The following ANOS1 variants were observed in gnomAD, a reference collection of about 807,000 sequenced individuals.
ANOS1 encodes the protein anosmin-1.
A neutral mutation model predicts 59.0 loss-of-function variants in ANOS1; 6 were observed. The observed-to-expected ratio is 0.10, with a 90% CI of 0.06 to 0.20. The LOEUF is 0.20. Ranked by LOEUF, ANOS1 falls within the 10% of genes least tolerant of loss-of-function variation. The pLI, the probability that ANOS1 is intolerant of heterozygous loss-of-function variation, is 1.00. For synonymous variants in ANOS1, 217 were observed against 223.4 expected (o/e 0.97, Z 0.25); for missense variants, 433 against 542.3 (o/e 0.80, Z 2.00).
intron 10 of ANOS1, among the ~76,000 whole-genome samples, chrX:8,538,420 AT>A (rs1291061003): frequency 3.6e-5 from 4 of 111,908 alleles, no homozygotes; most frequent in Non-Finnish European, 7.5e-5. Context: ...TAGAAGGATA[AT>A]TTTTCAGGAG....
chrX:8,641,558 C>T (rs1002218695), intron 2 of ANOS1, among the ~76,000 whole-genome samples: 2 of 112,212 alleles, frequency 1.8e-5, no homozygotes, highest in Non-Finnish European at 3.8e-5. Flanking sequence ...TCAAGACCTG[C>T]ACATCAGGAG....
intron 2 of ANOS1, among the ~76,000 whole-genome samples, chrX:8,633,658 T>C (rs1048964393): frequency 9.0e-6 from 1 of 111,615 alleles, no homozygotes; most frequent in African/African-American, 3.3e-5. Flanking sequence ...ATCAAAGATA[T>C]TGCCTCCAAG....
rs1569047138 is a variant in ANOS1 at position 8,554,553 on chromosome X, T to TG, written c.1208-456_1208-455insC. ...AGCTGGCTACAGGAGTTTTTTTTTT[T>TG]TTTTTTTTTTTTTTTTTGTTGTTGT... On this transcript the variant is annotated intron_variant, in intron 8 of 13. Transcript: ENST00000262648. Among the ~76,000 whole-genome samples, 638 of 95,616 alleles carry TG rather than the reference T, an allele frequency of 6.7e-3. 9 individuals are homozygous for TG. Among genetic ancestry groups the TG allele is most frequent in the African/African-American group, 0.025 (618 of 24,308 alleles). 83.0% of individuals were successfully genotyped at this position (95,616 alleles called of 115,157 possible). A position where few individuals can be genotyped will look rare whatever the true frequency, so the allele number is the denominator to read the frequency against.
chrX:8,694,656 G>A (rs945169343), intron 2 of ANOS1, among the ~76,000 whole-genome samples: 5 of 111,983 alleles, frequency 4.5e-5, no homozygotes, highest in Admixed American at 2.8e-4. Context: ...CAACAAGAGC[G>A]AAATTCCATC....
chrX:8,570,368 A>G lies in ANOS1; in HGVS notation c.1062+131T>C, dbSNP rs1930206548. ...GCATTCTGTGAACTTCCTCGGTAGA[A>G]ATGAATGGGAGGGAAGCTTTCCTGC... On this transcript the variant is annotated intron_variant, in intron 7 of 13. Transcript: ENST00000262648. The G allele has an allele frequency of 5.1e-6, 3 of 590,388 alleles. No homozygotes were observed. In the Admixed American group the frequency reaches 8.1e-5, roughly 16 times the overall value. The allele number at this position is 590,388 out of a possible 1,213,427, so 48.7% of individuals were successfully genotyped here.
chrX:8,563,626 C>A (rs186256620), intron 8 of ANOS1, among the ~76,000 whole-genome samples: 1 of 112,371 alleles, frequency 8.9e-6, no homozygotes, highest in Admixed American at 9.5e-5. Context: ...GTATTTATGA[C>A]CGTAGCAGAT....
intron 2 of ANOS1, among the ~76,000 whole-genome samples, chrX:8,636,574 T>C (rs1203930337): frequency 1.8e-5 from 2 of 112,065 alleles, no homozygotes; most frequent in Non-Finnish European, 3.8e-5. Flanking sequence ...GTCTGTGCAG[T>C]GAGACCAATC....
chrX:8,672,165 TACAC>T (rs111374928), intron 2 of ANOS1, among the ~76,000 whole-genome samples: 33 of 102,416 alleles, frequency 3.2e-4, no homozygotes, highest in South Asian at 2.5e-3. Context: ...CACATGCACA[TACAC>T]ACACACACAC....
rs1158555680 is a variant in ANOS1 at position 8,529,859 on chromosome X, A to C, written c.*3136T>G. Reference sequence around the variant, plus strand: ...GGCATCTGGTGAGGAGAAAGTGTGGATGCTACTAAAAACCTACAGTGCACA... The same window carrying C: ...GGCATCTGGTGAGGAGAAAGTGTGGCTGCTACTAAAAACCTACAGTGCACA... On this transcript the variant is annotated 3_prime_UTR_variant, in exon 14 of 14. Transcript: ENST00000262648. 9.0e-6 allele frequency: 1 copy of C among 111,293 alleles called. No homozygotes were observed. The highest frequency in any genetic ancestry group is 1.9e-5 in the Non-Finnish European group (1 of 53,070). 9.2% of individuals were successfully genotyped at this position (111,293 alleles called of 1,213,427 possible). A position where few individuals can be genotyped will look rare whatever the true frequency, so the allele number is the denominator to read the frequency against.
intron 2 of ANOS1, among the ~76,000 whole-genome samples, chrX:8,659,533 TTC>T (rs1569075584): frequency 1.0e-5 from 1 of 95,292 alleles, no homozygotes; most frequent in Non-Finnish European, 2.0e-5. Flanking sequence ...CTTTCTTTCT[TTC>T]TCTTTCCTTC....
At chrX:8,537,317 T>C (rs766028457) in intron 10 of ANOS1, among the ~76,000 whole-genome samples, 2 of 112,035 alleles carry the variant, frequency 1.8e-5, no homozygotes, top group South Asian at 3.7e-4. Context: ...CTCTGAGACA[T>C]AGAATTAGTT....
At chrX:8,562,547 A>G (rs1171891962) in intron 8 of ANOS1, among the ~76,000 whole-genome samples, 5 of 112,347 alleles carry the variant, frequency 4.5e-5, no homozygotes. Context: ...TTAAGAAAAT[A>G]AAATATGTAC....
rs929446353 is a variant in ANOS1, at chrX:8,605,191, G to A, written c.319-7935C>T. On this transcript the variant is annotated intron_variant, in intron 3 of 13. Transcript: ENST00000262648. The stretch of plus-strand genomic sequence containing the variant: ...AAATCATTAAAGTTTGACTTCTGCC[G>A]CTGCTGCCCCCATCTCAGCATTGCC... 1.9e-4 allele frequency among the ~76,000 whole-genome samples: 21 copies of A among 110,382 alleles called. No homozygotes were observed. The East Asian group carries it at 5.1e-3, about 27-fold the overall frequency.
At chrX:8,659,584 G>GCCTTCCTTCCTT (rs201790891) in intron 2 of ANOS1, among the ~76,000 whole-genome samples, 98 of 57,683 alleles carry the variant, frequency 1.7e-3, no homozygotes, top group African/African-American at 9.7e-3. Context: ...TTGCTTGCTT[G>GCCTTCCTTCCTT]CCTTCCTTCC....
intron 2 of ANOS1, among the ~76,000 whole-genome samples, chrX:8,650,643 G>A (rs773751987): frequency 2.7e-5 from 3 of 111,682 alleles, no homozygotes; most frequent in Non-Finnish European, 5.7e-5. Flanking sequence ...TTTTGAGCCC[G>A]GGAGACGGTG....
At chrX:8,626,111 C>CAAAAAAAAA (rs138234272) in intron 2 of ANOS1, among the ~76,000 whole-genome samples, 1 of 24,527 alleles carries the variant, frequency 4.1e-5, no homozygotes, top group African/African-American at 1.5e-4. Flanking sequence ...GACTCTGTCT[C>CAAAAAAAAA]AAAAAAAAAA....
At chrX:8,619,856 T>C (rs1365850800) in intron 3 of ANOS1, among the ~76,000 whole-genome samples, 1 of 112,503 alleles carries the variant, frequency 8.9e-6, no homozygotes, top group Non-Finnish European at 1.9e-5. Flanking sequence ...AAATGGGTGC[T>C]GATAATACAG....
intron 2 of ANOS1, among the ~76,000 whole-genome samples, chrX:8,634,127 A>C (rs1342817531): frequency 9.0e-6 from 1 of 111,009 alleles, no homozygotes; most frequent in Non-Finnish European, 1.9e-5. Flanking sequence ...CTCTTAGTAG[A>C]TTCTCTTAGT....
At chrX:8,681,873 T>C (rs1405638112) in intron 2 of ANOS1, among the ~76,000 whole-genome samples, 1 of 112,000 alleles carries the variant, frequency 8.9e-6, no homozygotes, top group Non-Finnish European at 1.9e-5. Flanking sequence ...CAAGCCAAAG[T>C]TACTATCAAC....
Sources: allele counts gnomAD v4.1 joint callset (sites outside exome capture counted in the v4.1 genomes callset), GRCh38; gene constraint gnomAD v4.1.1; transcripts MANE v1.5; gene names NCBI Gene and HGNC (gene_info 2026-07-23, HGNC 2026-07-21).